DERA: variants seen among roughly 807,000 people sequenced by gnomAD.
DERA encodes the protein 2-deoxy-D-ribose 5-phosphate aldolase.
In DERA, 15 loss-of-function variants were observed where a neutral mutation model predicts 41.1. The ratio of observed to expected loss-of-function variants is 0.37; its 90% CI spans 0.24 to 0.56. DERA has a LOEUF of 0.56. Ranked by LOEUF, DERA falls within the 20% of genes least tolerant of loss-of-function variation. The pLI, the probability that DERA is intolerant of heterozygous loss-of-function variation, is 0.81. For synonymous variants in DERA, 139 were observed against 137.4 expected, an observed-to-expected ratio of 1.01 and a Z score of -0.08; for missense variants, 396 against 403.4, an observed-to-expected ratio of 0.98 and a Z score of 0.16.
Position 15,972,373 on chromosome 12 carries a change from G to T in DERA, c.508+9426G>T. The T allele has an allele frequency of 6.5e-6, 1 of 154,166 alleles. No homozygotes were observed. Among genetic ancestry groups the T allele is most frequent in the South Asian group, 1.9e-4 (1 of 5,298 alleles). The allele number at this position is 154,166 out of a possible 1,614,324, so 9.5% of individuals were successfully genotyped here. A position where few individuals can be genotyped will look rare whatever the true frequency, so the allele number is the denominator to read the frequency against. ...CTTGTTGCTCCCAGAACTGTGGGGTGAACTGATCACCCCACAGTTCACCCT... is the reference window on the plus strand; with the variant it reads ...CTTGTTGCTCCCAGAACTGTGGGGTTAACTGATCACCCCACAGTTCACCCT... On this transcript the variant is annotated intron_variant, in intron 5 of 8. Transcript: ENST00000428559. This position sits in a 1 kb window ranked among gnomAD's most constrained non-coding sequence, Gnocchi z 4.4.
intron 1 of DERA, among the ~76,000 whole-genome samples, chr12:15,930,991 T>C (rs565268235): frequency 6.6e-6 from 1 of 152,316 alleles, no homozygotes; most frequent in South Asian, 2.1e-4. Context: ...ATCTTCAAGT[T>C]CCATTAATTG....
chr12:15,996,821 G>T lies in DERA; in HGVS notation c.637+14385G>T. Among the ~76,000 whole-genome samples, 1 of 152,128 alleles carries T rather than the reference G, an allele frequency of 6.6e-6. No individual in the cohort carries two copies. The highest frequency in any genetic ancestry group is 2.4e-5 in the African/African-American group (1 of 41,428). On this transcript the variant is annotated intron_variant, in intron 6 of 8. Transcript: ENST00000428559. This position sits in a 1 kb window ranked among gnomAD's most constrained non-coding sequence, Gnocchi z 4.7. ...AACTTGAATTCAGGTACAAAAGATT[G>T]ATTTTTCCCTCTCAGCAATGTTGAA...
At chr12:16,007,360 T>G (rs569966055) in intron 6 of DERA, among the ~76,000 whole-genome samples, 1 of 152,218 alleles carries the variant, frequency 6.6e-6, no homozygotes, top group South Asian at 2.1e-4. Flanking sequence ...GCTTTTGTAT[T>G]TTTAGTTGAA....
At position 15,976,164 on chromosome 12, in the gene DERA, C is replaced by T. The variant is rs542654018; in HGVS notation, c.509-6144C>T. Among the ~76,000 whole-genome samples, 40 of 152,306 alleles carry T rather than the reference C, an allele frequency of 2.6e-4. No homozygotes were observed. The highest frequency in any genetic ancestry group is 4.7e-4 in the Non-Finnish European group (32 of 68,024). On this transcript the variant is annotated intron_variant, in intron 5 of 8. Transcript: ENST00000428559. The surrounding 1 kb of genome is among the most constrained non-coding windows in gnomAD (Gnocchi z 4.1). ...CATGGTTTATTCTTACTTTCCCCTTCCATATTTATACCCCTTCTTCCCGTC... is the reference window on the plus strand; with the variant it reads ...CATGGTTTATTCTTACTTTCCCCTTTCATATTTATACCCCTTCTTCCCGTC...
At position 15,957,943 on chromosome 12, in the gene DERA, T is replaced by C. The variant is rs550066820; in HGVS notation, c.130-245T>C. On this transcript the variant is annotated intron_variant, in intron 2 of 8. Transcript: ENST00000428559. This position sits in a 1 kb window ranked among gnomAD's most constrained non-coding sequence, Gnocchi z 4.8. Reference sequence around the variant, plus strand: ...GGCTAATAGGGGTTTCAATTTGGGATATCTGTGGGAGAAAAAAAATGTTTA... The same window carrying C: ...GGCTAATAGGGGTTTCAATTTGGGACATCTGTGGGAGAAAAAAAATGTTTA... Among the ~76,000 whole-genome samples, 2 of 152,226 alleles carry C rather than the reference T, an allele frequency of 1.3e-5. No homozygotes were observed. Among genetic ancestry groups the C allele is most frequent in the South Asian group, 4.1e-4 (2 of 4,820 alleles).
chr12:15,959,642 A>G lies in DERA; in HGVS notation c.278-187A>G, dbSNP rs1003961737. Among the ~76,000 whole-genome samples the G allele has an allele frequency of 2.6e-5, 4 of 152,268 alleles. No homozygotes were observed. Among genetic ancestry groups the G allele is most frequent in the Non-Finnish European group, 5.9e-5 (4 of 68,042 alleles). On this transcript the variant is annotated intron_variant, in intron 3 of 8. Coordinates refer to ENST00000428559, the MANE Select transcript of DERA (RefSeq NM_015954.4). The surrounding 1 kb of genome is among the most constrained non-coding windows in gnomAD (Gnocchi z 4.5). Reference sequence around the variant, plus strand: ...TTATGACTTTAACGATAAGAAAATAATCCATATTGTCAAGAACTAGAAGGG... The same window carrying G: ...TTATGACTTTAACGATAAGAAAATAGTCCATATTGTCAAGAACTAGAAGGG...
intron 6 of DERA, among the ~76,000 whole-genome samples, chr12:15,987,298 G>A (rs539681617): frequency 8.2e-5 from 12 of 145,842 alleles, no homozygotes; most frequent in Admixed American, 2.8e-4. Flanking sequence ...GTGCAATGGC[G>A]TGATCTCAGC....
intron 1 of DERA, among the ~76,000 whole-genome samples, chr12:15,937,326 T>C (rs186085335): frequency 4.6e-5 from 7 of 152,348 alleles, no homozygotes; most frequent in African/African-American, 1.4e-4. Flanking sequence ...CTGGTAAAAG[T>C]ACTTCAGAAG....
chr12:16,037,128 C>T lies in DERA; in HGVS notation c.*382C>T, dbSNP rs544112962. On this transcript the variant is annotated 3_prime_UTR_variant, in exon 9 of 9. Transcript: ENST00000428559. This position sits in a 1 kb window ranked among gnomAD's most constrained non-coding sequence, Gnocchi z 6.7. ...CAACATCTCGCAAGCGCTGCTGTAA[C>T]GACTTCAGGAGTCACTGATTCAGCA... The T allele has an allele frequency of 1.5e-4, 26 of 175,344 alleles. No homozygotes were observed. The Middle Eastern group carries it at 7.5e-3, about 50-fold the overall frequency. The allele number at this position is 175,344 out of a possible 1,614,324, so 10.9% of individuals were successfully genotyped here. A position where few individuals can be genotyped will look rare whatever the true frequency, so the allele number is the denominator to read the frequency against.
At chr12:15,978,338 A>G (rs567193825) in intron 5 of DERA, among the ~76,000 whole-genome samples, 2 of 152,192 alleles carry the variant, frequency 1.3e-5, no homozygotes, top group Non-Finnish European at 2.9e-5. Context: ...GTGCTTTCAT[A>G]AGTATTAGGA....
rs1948963152 is a variant in DERA, at chr12:16,013,906, C to T, written c.638-18636C>T. Reference sequence around the variant, plus strand: ...AGGACTGGAGCAAAGGTCACTCTTGCTGTGCTTTAGCAAAGAGACTGGTGG... The same window carrying T: ...AGGACTGGAGCAAAGGTCACTCTTGTTGTGCTTTAGCAAAGAGACTGGTGG... On this transcript the variant is annotated intron_variant, in intron 6 of 8. Transcript: ENST00000428559. This position sits in a 1 kb window ranked among gnomAD's most constrained non-coding sequence, Gnocchi z 5.8. Among the ~76,000 whole-genome samples the T allele has an allele frequency of 6.6e-6, 1 of 152,174 alleles. No homozygotes were observed. Among genetic ancestry groups the T allele is most frequent in the Admixed American group, 6.5e-5 (1 of 15,286 alleles).
At position 16,012,678 on chromosome 12, in the gene DERA, T is replaced by A. The variant is rs1188137130; in HGVS notation, c.638-19864T>A. Among the ~76,000 whole-genome samples, 1 of 152,174 alleles carries A rather than the reference T, an allele frequency of 6.6e-6. No individual in the cohort carries two copies. Among genetic ancestry groups the A allele is most frequent in the African/African-American group, 2.4e-5 (1 of 41,430 alleles). On this transcript the variant is annotated intron_variant, in intron 6 of 8. Coordinates refer to ENST00000428559, the MANE Select transcript of DERA (RefSeq NM_015954.4). This position sits in a 1 kb window ranked among gnomAD's most constrained non-coding sequence, Gnocchi z 4.1. ...TTTCTCAATAAATTTTAAACCAACATTTTAAAGATATTGGTGTAAAATGGT... is the reference window on the plus strand; with the variant it reads ...TTTCTCAATAAATTTTAAACCAACAATTTAAAGATATTGGTGTAAAATGGT...
rs988027288 is a variant in DERA, at chr12:15,982,367, A to G, written c.568A>G (p.Ile190Val). 14 of 1,613,784 alleles carry G rather than the reference A, an allele frequency of 8.7e-6. No homozygotes were observed. Among genetic ancestry groups the G allele is most frequent in the African/African-American group, 1.3e-5 (1 of 74,916 alleles). ...CTGTGGGGAGGCTCATCTTAAAACT[A>G]TATTAGCGACAGGAGAACTTGGAAC... ...KACGEAHLKT[I>V]LATGELGTLT... The change falls in exon 6 of 9, where the codon ATA becomes GTA. Residue 190 changes from isoleucine to valine, a missense_variant. Transcript: ENST00000428559. The surrounding 1 kb of genome is among the most constrained non-coding windows in gnomAD (Gnocchi z 4.0).
rs765796718 is a variant in DERA at position 15,982,461 on chromosome 12, GT to G, written c.637+29del. 4.4e-6 allele frequency: 7 copies of G among 1,583,548 alleles called. No individual in the cohort carries two copies. In the East Asian group the frequency reaches 9.0e-5, roughly 20 times the overall value. On this transcript the variant is annotated intron_variant, in intron 6 of 8. Transcript: ENST00000428559. This position sits in a 1 kb window ranked among gnomAD's most constrained non-coding sequence, Gnocchi z 4.0. ...GGTAAGTGTTTTATGTTCAAATAATGTTTTCTATTGAATTGATGTTTTTAGG... is the reference window on the plus strand; with the variant it reads ...GGTAAGTGTTTTATGTTCAAATAATGTTTCTATTGAATTGATGTTTTTAGG...
Position 15,992,127 on chromosome 12 carries a change from A to C in DERA, c.637+9691A>C, listed in dbSNP as rs1167233415. On this transcript the variant is annotated intron_variant, in intron 6 of 8. Coordinates refer to ENST00000428559, the MANE Select transcript of DERA (RefSeq NM_015954.4). This position sits in a 1 kb window ranked among gnomAD's most constrained non-coding sequence, Gnocchi z 4.3. ...TGGGCTAAGGACCACACCTTCCTTAACTTTATTCCTCTGCGATTACTATCA... is the reference window on the plus strand; with the variant it reads ...TGGGCTAAGGACCACACCTTCCTTACCTTTATTCCTCTGCGATTACTATCA... Among the ~76,000 whole-genome samples, 2 of 151,886 alleles carry C rather than the reference A, an allele frequency of 1.3e-5. No homozygotes were observed. Among genetic ancestry groups the C allele is most frequent in the Non-Finnish European group, 2.9e-5 (2 of 67,954 alleles).
chr12:15,988,580 C>T lies in DERA; in HGVS notation c.637+6144C>T, dbSNP rs546656357. Among the ~76,000 whole-genome samples the T allele has an allele frequency of 4.6e-5, 7 of 152,204 alleles. No individual in the cohort carries two copies. The East Asian group carries it at 5.8e-4, about 13-fold the overall frequency. On this transcript the variant is annotated intron_variant, in intron 6 of 8. Coordinates refer to ENST00000428559, the MANE Select transcript of DERA (RefSeq NM_015954.4). The surrounding 1 kb of genome is among the most constrained non-coding windows in gnomAD (Gnocchi z 6.0). ...AAGTGCATGCTGATTGGTCCATGGG[C>T]GGCCATGGATGGGCCTGGAAAAAGC...
intron 6 of DERA, among the ~76,000 whole-genome samples, chr12:15,997,819 A>G (rs1948849346): frequency 6.6e-6 from 1 of 152,234 alleles, no homozygotes; most frequent in African/African-American, 2.4e-5. Context: ...AGGTGTTTAC[A>G]AATTCATTGC....
At chr12:15,986,629 G>A (rs1948765938) in intron 6 of DERA, among the ~76,000 whole-genome samples, 1 of 152,082 alleles carries the variant, frequency 6.6e-6, no homozygotes, top group Non-Finnish European at 1.5e-5. Context: ...GGTTCTTTGA[G>A]TTATTTTAAT....
chr12:15,989,225 G>A lies in DERA; in HGVS notation c.637+6789G>A, dbSNP rs984665187. ...CCAGACCTCACCAGCTCCACGGAGT[G>A]TGCAGCCCTAGCCACGCCTCCCCCG... On this transcript the variant is annotated intron_variant, in intron 6 of 8. Transcript: ENST00000428559. This position sits in a 1 kb window ranked among gnomAD's most constrained non-coding sequence, Gnocchi z 5.2. Among the ~76,000 whole-genome samples, 6 of 152,206 alleles carry A rather than the reference G, an allele frequency of 3.9e-5. No homozygotes were observed. The highest frequency in any genetic ancestry group is 1.4e-4 in the African/African-American group (6 of 41,454).
Sources: allele counts gnomAD v4.1 joint callset (sites outside exome capture counted in the v4.1 genomes callset), GRCh38; gene constraint gnomAD v4.1.1; non-coding constraint Gnocchi (gnomAD v3.1); transcripts MANE v1.5; gene names NCBI Gene and HGNC (gene_info 2026-07-23, HGNC 2026-07-21).